Variants in STARD13 observed in about 807,000 individuals in gnomAD.
STARD13 encodes the protein StAR related lipid transfer domain containing 13.
A neutral mutation model predicts 106.4 loss-of-function variants in STARD13; 62 were observed. That is an observed-to-expected ratio of 0.58 (90% CI 0.48 to 0.72). The LOEUF is 0.72. STARD13 is among the 30% of genes least tolerant of loss of function. The pLI is 0.00. For synonymous variants in STARD13, 565 were observed against 553.0 expected (o/e 1.02, Z -0.31); for missense variants, 1,387 against 1,424.0 (o/e 0.97, Z 0.42).
At chr13:33,221,697 T>C (rs1753326990) in intron 1 of STARD13, among the ~76,000 whole-genome samples, 1 of 152,164 alleles carries the variant, frequency 6.6e-6, no homozygotes, top group African/African-American at 2.4e-5. Context: ...TGCCAAAAAA[T>C]TATTGATAAC....
chr13:33,177,768 AAAGG>A (rs201721373), intron 1 of STARD13, among the ~76,000 whole-genome samples: 7,192 of 50,614 alleles, frequency 0.14, 1,697 homozygotes, highest in South Asian at 0.22. Context: ...GGAAGGAAGG[AAAGG>A]AAGGAAGGAA....
intron 1 of STARD13, among the ~76,000 whole-genome samples, chr13:33,206,570 C>A (rs945584215): frequency 3.3e-5 from 5 of 152,174 alleles, no homozygotes; most frequent in Non-Finnish European, 7.3e-5. Context: ...CAGTTGGCAA[C>A]AGGATTTGCT....
chr13:33,507,045 A>G, the STARD13 span, among the ~76,000 whole-genome samples: 5 of 152,244 alleles, frequency 3.3e-5, no homozygotes, highest in Admixed American at 2.0e-4. Context: ...AGGCTGCAGA[A>G]GGCCATGATC....
chr13:33,343,768 T>C (rs191187460), downstream of STARD13, among the ~76,000 whole-genome samples: 1 of 151,882 alleles, frequency 6.6e-6, no homozygotes, highest in East Asian at 1.9e-4. Context: ...TAGTAATTTA[T>C]TCAGGTCTTG....
At chr13:33,644,445 T>C in the STARD13 span, among the ~76,000 whole-genome samples, 9 of 151,054 alleles carry the variant, frequency 6.0e-5, no homozygotes, top group Admixed American at 5.9e-4. Context: ...GCCGGGAAAA[T>C]GAATTGGGTA....
the STARD13 span, among the ~76,000 whole-genome samples, chr13:33,659,416 A>G: frequency 6.6e-5 from 10 of 152,122 alleles, no homozygotes; most frequent in East Asian, 1.2e-3. Context: ...GGGTTTCATC[A>G]TGTTGGCCAG....
At chr13:33,329,150 C>T (rs1471566447) in intron 1 of STARD13, among the ~76,000 whole-genome samples, 1 of 152,172 alleles carries the variant, frequency 6.6e-6, no homozygotes, top group African/African-American at 2.4e-5. Flanking sequence ...AATCAAATAA[C>T]TCAAAAACTT....
the STARD13 span, among the ~76,000 whole-genome samples, chr13:33,419,696 G>A: frequency 4.6e-5 from 7 of 152,198 alleles, no homozygotes; most frequent in Admixed American, 3.9e-4. Flanking sequence ...AGTGTTAAAA[G>A]CAGCCAGAGA....
At chr13:33,205,289 A>G (rs983449766) in intron 1 of STARD13, among the ~76,000 whole-genome samples, 16 of 152,244 alleles carry the variant, frequency 1.1e-4, no homozygotes, top group African/African-American at 3.9e-4. Flanking sequence ...ATCCAGAAGC[A>G]GCTTCCTTTA....
rs79670430 is a variant in STARD13, at chr13:33,231,749, G to A, written c.169+53721C>T. Reference sequence around the variant, plus strand: ...AGTCTCTGTTTCTGACTGCAGGTCCGGGGCATTCCCATAACTTTTCCAGAT... The same window carrying A: ...AGTCTCTGTTTCTGACTGCAGGTCCAGGGCATTCCCATAACTTTTCCAGAT... On this transcript the variant is annotated intron_variant, in intron 1 of 13. Transcript: ENST00000336934. Among the ~76,000 whole-genome samples, 42 of 152,210 alleles carry A rather than the reference G, an allele frequency of 2.8e-4. 1 individual carries two copies. In the East Asian group the frequency reaches 8.1e-3, roughly 29 times the overall value.
chr13:33,197,745 C>A (rs1262862318), intron 1 of STARD13, among the ~76,000 whole-genome samples: 1 of 152,198 alleles, frequency 6.6e-6, no homozygotes, highest in Non-Finnish European at 1.5e-5. Flanking sequence ...GTAGTTAGAT[C>A]CTTTTCCTGT....
At chr13:33,209,093 A>C (rs1299385764) in intron 1 of STARD13, among the ~76,000 whole-genome samples, 1 of 152,206 alleles carries the variant, frequency 6.6e-6, no homozygotes, top group Non-Finnish European at 1.5e-5. Context: ...ATTTATGGCA[A>C]AGGAAGGAAA....
the STARD13 span, among the ~76,000 whole-genome samples, chr13:33,609,105 A>AAAAAAAAAAAAAAAAAAAAAAAG: frequency 1.7e-4 from 22 of 133,172 alleles, no homozygotes; most frequent in Middle Eastern, 3.9e-3. Flanking sequence ...AAAAAAAAAA[A>AAAAAAAAAAAAAAAAAAAAAAAG]AAATATTGAT....
intron 3 of STARD13, among the ~76,000 whole-genome samples, chr13:33,160,774 A>G (rs1333958583): frequency 6.6e-6 from 1 of 152,236 alleles, no homozygotes; most frequent in Non-Finnish European, 1.5e-5. Context: ...AATACTAAGT[A>G]CTAACAAAGA....
chr13:33,368,227 T>C, the STARD13 span, among the ~76,000 whole-genome samples: 10 of 152,194 alleles, frequency 6.6e-5, no homozygotes, highest in African/African-American at 2.4e-4. Flanking sequence ...CCCTCCTCGA[T>C]CCTGGCCCAG....
intron 5 of STARD13, among the ~76,000 whole-genome samples, chr13:33,127,881 ATGT>A (rs775143575): frequency 4.0e-4 from 59 of 148,936 alleles, no homozygotes; most frequent in Non-Finnish European, 5.5e-4. Flanking sequence ...GTGTGTGTGT[ATGT>A]GAGAGAGAGA....
At chr13:33,142,052 A>G (rs1879899741) in intron 4 of STARD13, among the ~76,000 whole-genome samples, 1 of 152,178 alleles carries the variant, frequency 6.6e-6, no homozygotes, top group Non-Finnish European at 1.5e-5. Flanking sequence ...TTTTGGAGAC[A>G]GGGTGTCACT....
the STARD13 span, among the ~76,000 whole-genome samples, chr13:33,377,354 C>G: frequency 2.0e-5 from 3 of 152,034 alleles, no homozygotes; most frequent in Non-Finnish European, 4.4e-5. Flanking sequence ...GAAGAGACAT[C>G]TGGGAAAAAT....
chr13:33,358,094 G>GC, the STARD13 span, among the ~76,000 whole-genome samples: 1 of 152,234 alleles, frequency 6.6e-6, no homozygotes, highest in Non-Finnish European at 1.5e-5. Context: ...AGCCCTGCTG[G>GC]CCCCGGGCAA....
Sources: allele counts gnomAD v4.1 joint callset (sites outside exome capture counted in the v4.1 genomes callset), GRCh38; gene constraint gnomAD v4.1.1; transcripts MANE v1.5; gene names NCBI Gene and HGNC (gene_info 2026-07-23, HGNC 2026-07-21).